Variants in HIPK2 observed in about 807,000 individuals in gnomAD.
The protein encoded by HIPK2 is homeodomain interacting protein kinase 2, also known as homeodomain-interacting protein kinase 2.
Under a neutral mutation model 113.7 loss-of-function variants are expected in HIPK2, and 27 were observed. The ratio of observed to expected loss-of-function variants is 0.24; its 90% confidence interval spans 0.17 to 0.33. The LOEUF (loss-of-function observed/expected upper bound fraction) is 0.33. Among genes scored for constraint, HIPK2 ranks in the 10% least tolerant of loss-of-function variants. The probability of loss-of-function intolerance (pLI) is 1.00; values close to 1 mark genes in which losing one functional copy is unlikely to be tolerated. For synonymous variants in HIPK2, 631 were observed against 642.2 expected, an observed-to-expected ratio of 0.98 and a Z score of 0.26; for missense variants, 1,257 against 1,588.0, an observed-to-expected ratio of 0.79 and a Z score of 3.54.
At position 139,683,401 on chromosome 7, in the gene HIPK2, CA is replaced by C. The variant is rs1161634900; in HGVS notation, c.1103+32530del. Among the ~76,000 whole-genome samples the C allele has an allele frequency of 6.6e-6, 1 of 152,178 alleles. No individual in the cohort carries two copies. Among genetic ancestry groups the C allele is most frequent in the Non-Finnish European group, 1.5e-5 (1 of 68,032 alleles). The stretch of plus-strand genomic sequence containing the variant: ...CATGAGGCTGCGATCAAGATGTTTC[CA>C]AGCTCCCCAAGGCAGCTGCGGTCTG... On this transcript the variant is annotated intron_variant, in intron 2 of 14. Transcript: ENST00000406875. This position sits in a 1 kb window ranked among gnomAD's most constrained non-coding sequence, Gnocchi z 4.2.
At position 139,702,403 on chromosome 7, in the gene HIPK2, C is replaced by T. The variant is rs972220208; in HGVS notation, c.1103+13529G>A. Reference sequence around the variant, plus strand: ...GTGGCCTTGGGCCACAGCCCAGTCACGGGGGTGCATATCCCGGGTCGAGCT... The same window carrying T: ...GTGGCCTTGGGCCACAGCCCAGTCATGGGGGTGCATATCCCGGGTCGAGCT... On this transcript the variant is annotated intron_variant, in intron 2 of 14. Transcript: ENST00000406875. Among the ~76,000 whole-genome samples the T allele has an allele frequency of 4.6e-5, 7 of 152,334 alleles. No homozygotes were observed. The East Asian group carries it at 9.7e-4, about 21-fold the overall frequency.
At chr7:139,634,035 A>G (rs1022521905) in intron 2 of HIPK2, among the ~76,000 whole-genome samples, 1 of 151,524 alleles carries the variant, frequency 6.6e-6, no homozygotes, top group Non-Finnish European at 1.5e-5. Context: ...GCTTGAGCCC[A>G]GGAGTTTGAG....
intron 2 of HIPK2, among the ~76,000 whole-genome samples, chr7:139,689,240 G>A (rs1358162822): frequency 6.6e-6 from 1 of 152,160 alleles, no homozygotes; most frequent in African/African-American, 2.4e-5. Flanking sequence ...TAGAAGTCAG[G>A]AAATGCAATC....
At chr7:139,609,494 G>A (rs990591844) in intron 9 of HIPK2, among the ~76,000 whole-genome samples, 1 of 152,182 alleles carries the variant, frequency 6.6e-6, no homozygotes, top group Non-Finnish European at 1.5e-5. Flanking sequence ...AAGATTTTCA[G>A]TATTTAGAGA....
At chr7:139,708,752 G>C (rs1045106292) in intron 2 of HIPK2, among the ~76,000 whole-genome samples, 2 of 152,216 alleles carry the variant, frequency 1.3e-5, no homozygotes, top group East Asian at 3.8e-4. Flanking sequence ...CGTGTGCCTT[G>C]TGTCTTTCAC....
At chr7:139,606,859 A>C (rs1569452503) in intron 9 of HIPK2, among the ~76,000 whole-genome samples, 1 of 152,244 alleles carries the variant, frequency 6.6e-6, no homozygotes, top group Admixed American at 6.5e-5. Context: ...ATAGGAATGA[A>C]TAGCTAATGA....
At chr7:139,657,318 C>T (rs115435870) in intron 2 of HIPK2, among the ~76,000 whole-genome samples, 2 of 152,232 alleles carry the variant, frequency 1.3e-5, no homozygotes, top group African/African-American at 4.8e-5. Context: ...GTCTGTTAGA[C>T]AGCATTCATC....
intron 2 of HIPK2, among the ~76,000 whole-genome samples, chr7:139,637,557 A>G (rs1206082408): frequency 6.6e-6 from 1 of 152,152 alleles, no homozygotes; most frequent in Non-Finnish European, 1.5e-5. Flanking sequence ...CTGTCACGCT[A>G]CAGACAGGCC....
chr7:139,655,367 TAG>T (rs1379239837), intron 2 of HIPK2, among the ~76,000 whole-genome samples: 1 of 152,208 alleles, frequency 6.6e-6, no homozygotes, highest in Admixed American at 6.5e-5. Flanking sequence ...GTGGAGCCAG[TAG>T]AGAGTGAATG....
chr7:139,681,750 C>T (rs556209831), intron 2 of HIPK2, among the ~76,000 whole-genome samples: 3 of 152,312 alleles, frequency 2.0e-5, no homozygotes, highest in South Asian at 4.1e-4. Context: ...AGAGTCACAG[C>T]GTGCGGAGCC....
chr7:139,689,746 C>A (rs1253393516), intron 2 of HIPK2, among the ~76,000 whole-genome samples: 1 of 152,186 alleles, frequency 6.6e-6, no homozygotes, highest in Non-Finnish European at 1.5e-5. Context: ...AAATCCCAAG[C>A]TATGGCTTGC....
In HIPK2 at chr7:139,683,956, G is replaced by GGT. The variant is rs751689246; in HGVS notation, c.1103+31975_1103+31976insAC. 0.038 allele frequency among the ~76,000 whole-genome samples: 2,470 copies of GGT among 65,576 alleles called. 33 individuals carry two copies. The highest frequency in any genetic ancestry group is 0.07 in the Non-Finnish European group (1,619 of 22,972). The allele number at this position is 65,576 out of a possible 152,430, so 43.0% of individuals were successfully genotyped here. A position where few individuals can be genotyped will look rare whatever the true frequency, so the allele number is the denominator to read the frequency against. ...CTTGACTGAGCTTTGCAGATACCAT[G>GGT]ATTTTTTTTTTTTACACAAATTGAA... is the stretch of plus-strand genomic sequence containing the variant. On this transcript the variant is annotated intron_variant, in intron 2 of 14. Coordinates refer to ENST00000406875, the MANE Select transcript of HIPK2 (RefSeq NM_022740.5). The surrounding 1 kb of genome is among the most constrained non-coding windows in gnomAD (Gnocchi z 4.2).
chr7:139,705,914 C>T (rs1369157695), intron 2 of HIPK2, among the ~76,000 whole-genome samples: 1 of 151,860 alleles, frequency 6.6e-6, no homozygotes, highest in African/African-American at 2.4e-5. Flanking sequence ...ATTGGCCTTA[C>T]TCTCTCCAGG....
chr7:139,659,531 C>T (rs1387437958), intron 2 of HIPK2, among the ~76,000 whole-genome samples: 1 of 152,208 alleles, frequency 6.6e-6, no homozygotes, highest in African/African-American at 2.4e-5. Flanking sequence ...CCTGCTTGGG[C>T]TATTAGTGTC....
rs1236903623 is a variant in HIPK2, at chr7:139,567,102, C to T, written c.*5825G>A. 2 of 152,228 alleles carry T rather than the reference C, an allele frequency of 1.3e-5. No individual in the cohort carries two copies. Among genetic ancestry groups the T allele is most frequent in the South Asian group, 4.1e-4 (2 of 4,830 alleles). The allele number at this position is 152,228 out of a possible 1,614,324, so 9.4% of individuals were successfully genotyped here. On this transcript the variant is annotated 3_prime_UTR_variant, in exon 15 of 15. Coordinates refer to ENST00000406875, the MANE Select transcript of HIPK2 (RefSeq NM_022740.5). ...TTTGCATTTAAATCCTGTTTCACCG[C>T]CTTCCATTCTCTAGTGGCCTGAGAT... is the stretch of plus-strand genomic sequence containing the variant.
chr7:139,706,385 A>G (rs146001989), intron 2 of HIPK2, among the ~76,000 whole-genome samples: 6 of 152,300 alleles, frequency 3.9e-5, no homozygotes, highest in African/African-American at 1.4e-4. Flanking sequence ...TGCATGAAAG[A>G]TGACAAGAAA....
chr7:139,766,888 G>A (rs1228009565), intron 1 of HIPK2, among the ~76,000 whole-genome samples: 1 of 152,182 alleles, frequency 6.6e-6, no homozygotes, highest in Non-Finnish European at 1.5e-5. Flanking sequence ...GAACTACACA[G>A]ACCAGCTGGC....
rs1798327056 is a variant in HIPK2, at chr7:139,572,763, TG to T, written c.*163del. ...TGTCCCGACCCGTCCCCCTGCCCTC[TG>T]CCCCCCCCCCCCCCCCCGCCCCTGC... On this transcript the variant is annotated 3_prime_UTR_variant, in exon 15 of 15. Coordinates refer to ENST00000406875, the MANE Select transcript of HIPK2 (RefSeq NM_022740.5). 2.4e-5 allele frequency: 1 copy of T among 42,150 alleles called. No homozygotes were observed. The highest frequency in any genetic ancestry group is 3.6e-4 in the African/African-American group (1 of 2,798). 2.6% of individuals were successfully genotyped at this position (42,150 alleles called of 1,614,324 possible).
At chr7:139,655,066 TCTGA>T (rs1801609631) in intron 2 of HIPK2, among the ~76,000 whole-genome samples, 1 of 152,150 alleles carries the variant, frequency 6.6e-6, no homozygotes, top group Non-Finnish European at 1.5e-5. Flanking sequence ...GAAGGGCTGC[TCTGA>T]CTGTGGGGGG....
Sources: allele counts gnomAD v4.1 joint callset (sites outside exome capture counted in the v4.1 genomes callset), GRCh38; gene constraint gnomAD v4.1.1; non-coding constraint Gnocchi (gnomAD v3.1); transcripts MANE v1.5; gene names NCBI Gene and HGNC (gene_info 2026-07-23, HGNC 2026-07-21).